Variants in SECISBP2L observed in about 807,000 individuals in gnomAD.
SECISBP2L encodes the protein selenocysteine insertion sequence-binding protein 2-like.
SECISBP2L carries 43 observed loss-of-function variants against 114.7 expected under a neutral mutation model. The ratio of observed to expected loss-of-function variants is 0.38; its 90% CI spans 0.29 to 0.48. The LOEUF (loss-of-function observed/expected upper bound fraction) is 0.48, where lower values mean the gene tolerates loss of function less well. Ranked by LOEUF, SECISBP2L falls within the 20% of genes least tolerant of loss-of-function variation. SECISBP2L has a pLI of 0.98. For missense variants in SECISBP2L, 1,136 were observed against 1,301.1 expected (o/e 0.87, Z 1.95); for synonymous variants, 451 against 439.7 (o/e 1.03, Z -0.32).
intron 2 of SECISBP2L, 40 bp downstream of exon 2, chr15:49,037,551 G>A (rs754855748): frequency 1.3e-6 from 2 of 1,576,020 alleles, no homozygotes; most frequent in Admixed American, 3.5e-5. Context: ...AGCTTTTATA[G>A]CCACCCCCAC....
At chr15:49,042,771 T>TGCACTG (rs1181545249) in intron 1 of SECISBP2L, 1 of 152,324 alleles carries the variant, frequency 6.6e-6, no homozygotes, top group Non-Finnish European at 1.5e-5. Context: ...TGGCTCAGCC[T>TGCACTG]GTAATCCCAG....
intron 17 of SECISBP2L, chr15:48,996,044 G>A (rs2141059256): frequency 1.2e-5 from 3 of 247,248 alleles, no homozygotes; most frequent in South Asian, 1.1e-4. Context: ...TAAAATTTTA[G>A]TAACTGAGCA....
At chr15:49,038,450 G>C (rs1052387749) in intron 1 of SECISBP2L, among the ~76,000 whole-genome samples, 5 of 150,234 alleles carry the variant, frequency 3.3e-5, no homozygotes, top group African/African-American at 4.9e-5. Context: ...AAAAAACCCT[G>C]TAGTATTTAG....
chr15:49,020,765 C>T (rs985889268), intron 7 of SECISBP2L, among the ~76,000 whole-genome samples: 3 of 152,112 alleles, frequency 2.0e-5, no homozygotes, highest in Admixed American at 6.6e-5. Context: ...TGCCTCGCCT[C>T]CCAAAGTGCT....
chr15:49,008,795 A>G (rs767536427), intron 14 of SECISBP2L, among the ~76,000 whole-genome samples: 1 of 152,224 alleles, frequency 6.6e-6, no homozygotes, highest in Non-Finnish European at 1.5e-5. Flanking sequence ...ATACTTGCAC[A>G]AATAGCTTTA....
chr15:49,033,165 A>C, intron 3 of SECISBP2L, 65 bp from the exon 4 acceptor site: 1 of 1,510,360 alleles, frequency 6.6e-7, no homozygotes, highest in Non-Finnish European at 9.0e-7. Flanking sequence ...AACATTATAA[A>C]AAACACATCT....
intron 1 of SECISBP2L, among the ~76,000 whole-genome samples, chr15:49,044,611 T>C (rs1378006846): frequency 6.6e-6 from 1 of 152,150 alleles, no homozygotes; most frequent in Non-Finnish European, 1.5e-5. Context: ...CAAGAAGTAC[T>C]GGAAGAAAAA....
At chr15:49,026,447 A>G (rs1253628360) in intron 7 of SECISBP2L, among the ~76,000 whole-genome samples, 1 of 152,242 alleles carries the variant, frequency 6.6e-6, no homozygotes, top group Non-Finnish European at 1.5e-5. Context: ...TGATCATTAC[A>G]CATTATATAC....
intron 1 of SECISBP2L, 39 bp from the exon 2 acceptor site, chr15:49,037,808 C>A: frequency 2.0e-6 from 3 of 1,521,960 alleles, no homozygotes; most frequent in Non-Finnish European, 2.7e-6. Context: ...AACAAATGAG[C>A]AAGCAACTTC....
rs745877234 is a variant in SECISBP2L, at chr15:49,028,201, T to C, written c.895-33A>G. ...AAGAAACAAAAAGACAATTATACTC[T>C]ACTTGAGAACCAACATTATGTACTT... is the stretch of plus-strand genomic sequence containing the variant. On this transcript the variant is annotated intron_variant, in intron 5 of 17. Coordinates refer to ENST00000559471, the MANE Select transcript of SECISBP2L (RefSeq NM_001193489.2). 4.5e-6 allele frequency: 7 copies of C among 1,545,984 alleles called. No homozygotes were observed. In the East Asian group the frequency reaches 1.1e-4, roughly 25 times the overall value.
chr15:49,033,149 G>C, intron 3 of SECISBP2L, 49 bp from the exon 4 acceptor site: 1 of 1,555,854 alleles, frequency 6.4e-7, no homozygotes, highest in Non-Finnish European at 8.7e-7. Flanking sequence ...ACTATTCAAT[G>C]TACTGAACAT....
chr15:49,000,839 T>A, intron 15 of SECISBP2L, 38 bp downstream of exon 15: 2 of 1,527,274 alleles, frequency 1.3e-6, no homozygotes, highest in South Asian at 1.2e-5. Context: ...ATCCCACAGC[T>A]ATACTATCAA....
chr15:49,009,283 TAGC>T lies in SECISBP2L; in HGVS notation c.1957_1959del (p.Ala653del), dbSNP rs1902386911. On this transcript the variant is annotated inframe_deletion, in exon 14 of 18. Transcript: ENST00000559471. ...GCCATTGGACTGCCTATTCCAGAAC[TAGC>T]AGGAGAGCCTTGTGACACAGGTGTC... 1 of 1,614,030 alleles carries T rather than the reference TAGC, an allele frequency of 6.2e-7. No individual in the cohort carries two copies. Among genetic ancestry groups the T allele is most frequent in the African/African-American group, 1.3e-5 (1 of 74,920 alleles).
chr15:49,028,200 CTACTT>C, intron 5 of SECISBP2L, 32 bp from the exon 6 acceptor site: 1 of 1,548,528 alleles, frequency 6.5e-7, no homozygotes, highest in African/African-American at 1.4e-5. Flanking sequence ...CAATTATACT[CTACTT>C]GAGAACCAAC....
At chr15:49,019,810 A>G (rs1902606242) in intron 7 of SECISBP2L, among the ~76,000 whole-genome samples, 1 of 152,244 alleles carries the variant, frequency 6.6e-6, no homozygotes. Context: ...CACAAAAGTG[A>G]AAACAGGAAA....
intron 4 of SECISBP2L, among the ~76,000 whole-genome samples, chr15:49,032,208 T>C (rs962397454): frequency 4.6e-5 from 7 of 152,230 alleles, no homozygotes; most frequent in African/African-American, 1.7e-4. Context: ...ATAAAAAAGC[T>C]AATTCTGCCT....
intron 9 of SECISBP2L, 164 bp from the exon 10 acceptor site, chr15:49,017,179 G>A: frequency 1.5e-6 from 1 of 673,188 alleles, no homozygotes; most frequent in East Asian, 2.9e-5. Flanking sequence ...ATTTCAGACT[G>A]GGAAATAATA....
chr15:48,992,911 T>C lies in SECISBP2L; in HGVS notation c.2639A>G (p.Asn880Ser), dbSNP rs754443634. ...NEKEYETNWR[N>S]MVETSDGLEA... Reference sequence around the variant, plus strand: ...CAGTCCATCTGAAGTTTCCACCATGTTTCTCCAATTTGTTTCTACAAGTAT... The same window carrying C: ...CAGTCCATCTGAAGTTTCCACCATGCTTCTCCAATTTGTTTCTACAAGTAT... Residue 880 changes from asparagine (N) to serine (S), a missense_variant, in exon 18 of 18, where the codon AAC (asparagine) becomes AGC (serine). By Grantham distance (46) the Asn-to-Ser change is conservative (BLOSUM62 1). This residue lies in a region of SECISBP2L where 684 missense variants were observed against 848.7 expected (regional missense o/e 0.81). Transcript: ENST00000559471. 3 of 1,611,604 alleles carry C rather than the reference T, an allele frequency of 1.9e-6. No individual in the cohort carries two copies. Among genetic ancestry groups the C allele is most frequent in the East Asian group, 2.2e-5 (1 of 44,844 alleles).
At chr15:49,019,717 CT>C (rs1299933396) in intron 7 of SECISBP2L, 165 bp from the exon 8 acceptor site, 2 of 496,260 alleles carry the variant, frequency 4.0e-6, no homozygotes, top group Non-Finnish European at 6.3e-6. Context: ...AAGTAAGGTA[CT>C]TATAAGAAAA....
Sources: allele counts gnomAD v4.1 joint callset (sites outside exome capture counted in the v4.1 genomes callset), GRCh38; gene constraint gnomAD v4.1.1; regional missense constraint gnomAD v4.1.1; transcripts MANE v1.5; gene names NCBI Gene and HGNC (gene_info 2026-07-23, HGNC 2026-07-21).